The following CFLAR variants were observed in gnomAD, a reference collection of about 807,000 sequenced individuals.
CFLAR encodes the protein CASP8 and FADD like apoptosis regulator.
A neutral mutation model predicts 51.1 loss-of-function variants in CFLAR; 14 were observed. The ratio of observed to expected loss-of-function variants is 0.27; its 90% CI spans 0.18 to 0.43. The LOEUF (loss-of-function observed/expected upper bound fraction) is 0.43. CFLAR is among the 20% of genes least tolerant of loss of function. The probability of loss-of-function intolerance (pLI) is 1.00; values close to 1 mark genes in which losing one functional copy is unlikely to be tolerated. For missense variants in CFLAR, 390 were observed against 566.5 expected (o/e 0.69, Z 3.16); for synonymous variants, 210 against 211.6 (o/e 0.99, Z 0.06).
At chr2:201,153,252 C>G (rs1941581379) in intron 8 of CFLAR, 1 of 152,200 alleles carries the variant, frequency 6.6e-6, no homozygotes, top group Non-Finnish European at 1.5e-5. Context: ...CAAGGCAGCA[C>G]ACTTTTACTC....
Position 201,124,626 on chromosome 2 carries a change from C to T in CFLAR, c.-137-5103C>T, listed in dbSNP as rs998254141. Among the ~76,000 whole-genome samples, 9 of 152,108 alleles carry T rather than the reference C, an allele frequency of 5.9e-5. No individual in the cohort carries two copies. The highest frequency in any genetic ancestry group is 4.1e-4 in the South Asian group (2 of 4,828). ...CTGGGATTACAGGTGTGAGCCACCG[C>T]GCCTGGCCAGTTCAGGCATGAACTT... On this transcript the variant is annotated intron_variant, in intron 1 of 9. Transcript: ENST00000309955. The surrounding 1 kb of genome is among the most constrained non-coding windows in gnomAD (Gnocchi z 4.7).
At chr2:201,125,102 AACAG>A (rs1310018888) in intron 1 of CFLAR, among the ~76,000 whole-genome samples, 1 of 152,212 alleles carries the variant, frequency 6.6e-6, no homozygotes, top group Non-Finnish European at 1.5e-5. Flanking sequence ...TATTTTAAAA[AACAG>A]ACATAAATGC....
chr2:201,140,634 TAGAG>T (rs1938480598), intron 5 of CFLAR, 195 bp downstream of exon 5: 1 of 518,970 alleles, frequency 1.9e-6, no homozygotes, highest in Non-Finnish European at 3.4e-6. Flanking sequence ...TTGGAGACTA[TAGAG>T]AAAGATAAAA....
chr2:201,146,305 C>T (rs1385969683), intron 6 of CFLAR: 1 of 152,116 alleles, frequency 6.6e-6, no homozygotes, highest in Non-Finnish European at 1.5e-5. Context: ...TGCCACCACA[C>T]CCAGTTTATT....
At chr2:201,132,359 A>G (rs2049422270) in intron 2 of CFLAR, among the ~76,000 whole-genome samples, 2 of 151,802 alleles carry the variant, frequency 1.3e-5, no homozygotes, top group South Asian at 4.2e-4. Flanking sequence ...AATACTAACC[A>G]CAGGGTGTCC....
intron 9 of CFLAR, among the ~76,000 whole-genome samples, chr2:201,162,067 A>G (rs1001620079): frequency 6.6e-6 from 1 of 151,366 alleles, no homozygotes; most frequent in Non-Finnish European, 1.5e-5. Flanking sequence ...ATCTTTTTTT[A>G]TTTGATACCC....
chr2:201,134,050 TG>T (rs1210600869), intron 3 of CFLAR, among the ~76,000 whole-genome samples: 1 of 151,538 alleles, frequency 6.6e-6, no homozygotes, highest in Non-Finnish European at 1.5e-5. Flanking sequence ...GGCTCACGCC[TG>T]TAATCCTAGC....
Position 201,138,049 on chromosome 2 carries a change from C to G in CFLAR, c.523+1942C>G. On this transcript the variant is annotated intron_variant, in intron 4 of 9. Transcript: ENST00000309955. This position sits in a 1 kb window ranked among gnomAD's most constrained non-coding sequence, Gnocchi z 4.0. ...GCAGTGCCCTGGGGCTGACTGCAGGCTATCACTTCCTGGTTGATGTAGATG... is the reference window on the plus strand; with the variant it reads ...GCAGTGCCCTGGGGCTGACTGCAGGGTATCACTTCCTGGTTGATGTAGATG... 1 of 722,764 alleles carries G rather than the reference C, an allele frequency of 1.4e-6. No homozygotes were observed. Among genetic ancestry groups the G allele is most frequent in the Non-Finnish European group, 2.6e-6 (1 of 389,784 alleles). The allele number at this position is 722,764 out of a possible 1,614,324, so 44.8% of individuals were successfully genotyped here.
At chr2:201,126,624 T>A (rs1191434145) in intron 1 of CFLAR, among the ~76,000 whole-genome samples, 3 of 152,006 alleles carry the variant, frequency 2.0e-5, no homozygotes, top group African/African-American at 7.3e-5. Flanking sequence ...TGTCAGAGGG[T>A]CTTTGAGCTC....
chr2:201,176,391 A>G lies in CFLAR; in HGVS notation c.*12418A>G, dbSNP rs1944173041. On this transcript the variant is annotated 3_prime_UTR_variant, in exon 10 of 10. Coordinates refer to ENST00000309955, the MANE Select transcript of CFLAR (RefSeq NM_003879.7). Reference sequence around the variant, plus strand: ...GACCATCACCTGATGGTTGCCCAACACTCTTGGTGTGTGTCGGGGGAGCCC... The same window carrying G: ...GACCATCACCTGATGGTTGCCCAACGCTCTTGGTGTGTGTCGGGGGAGCCC... 1 of 147,248 alleles carries G rather than the reference A, an allele frequency of 6.8e-6. No homozygotes were observed. The highest frequency in any genetic ancestry group is 2.2e-4 in the South Asian group (1 of 4,550). The allele number at this position is 147,248 out of a possible 1,614,324, so 9.1% of individuals were successfully genotyped here.
At position 201,170,289 on chromosome 2, in the gene CFLAR, G is replaced by C. The variant is rs1163701580; in HGVS notation, c.*6316G>C. 2.0e-5 allele frequency: 3 copies of C among 152,162 alleles called. No homozygotes were observed. Among genetic ancestry groups the C allele is most frequent in the African/African-American group, 7.2e-5 (3 of 41,444 alleles). The allele number at this position is 152,162 out of a possible 1,614,324, so 9.4% of individuals were successfully genotyped here. A position where few individuals can be genotyped will look rare whatever the true frequency, so the allele number is the denominator to read the frequency against. ...CAGTGCAGCCATTACAGCTTTTGGT[G>C]ATACAGTGAATCAGATTTTTCATTA... On this transcript the variant is annotated 3_prime_UTR_variant, in exon 10 of 10. Transcript: ENST00000309955.
rs1943946025 is a variant in CFLAR, at chr2:201,170,479, C to T, written c.*6506C>T. ...ATGGATGAAGGAACTGTTTTATTCA[C>T]TTGCTGATAATTCAGCCTAATCCAG... is the stretch of plus-strand genomic sequence containing the variant. On this transcript the variant is annotated 3_prime_UTR_variant, in exon 10 of 10. Transcript: ENST00000309955. The T allele has an allele frequency of 6.6e-6, 1 of 152,188 alleles. No individual in the cohort carries two copies. Among genetic ancestry groups the T allele is most frequent in the Non-Finnish European group, 1.5e-5 (1 of 68,030 alleles). 9.4% of individuals were successfully genotyped at this position (152,188 alleles called of 1,614,324 possible).
At position 201,130,108 on chromosome 2, in the gene CFLAR, C is replaced by T; in HGVS notation, c.243C>T (p.Thr81=). Residue 81 remains threonine, a synonymous_variant, in exon 2 of 10, where the codon ACC becomes ACT. Coordinates refer to ENST00000309955, the MANE Select transcript of CFLAR (RefSeq NM_003879.7). ...ILKMDRKAVE[T]HLLRNPHLVS... ...AGATGGACAGAAAAGCTGTGGAGAC[C>T]CACCTGCTCAGGAACCCTCACCTTG... The T allele has an allele frequency of 1.2e-6, 2 of 1,609,740 alleles. No homozygotes were observed. The highest frequency in any genetic ancestry group is 1.7e-6 in the Non-Finnish European group (2 of 1,177,182).
intron 8 of CFLAR, chr2:201,157,674 C>T (rs1321794978): frequency 1.3e-5 from 2 of 152,334 alleles, no homozygotes; most frequent in Non-Finnish European, 2.9e-5. Flanking sequence ...CTGCACCTGG[C>T]CAAGCATTAG....
At chr2:201,148,216 TAC>T (rs1940619327) in intron 6 of CFLAR, 1 of 152,234 alleles carries the variant, frequency 6.6e-6, no homozygotes, top group Non-Finnish European at 1.5e-5. Flanking sequence ...TAAGTATATG[TAC>T]ACAAATATAC....
At chr2:201,143,875 T>A (rs942631831) in intron 5 of CFLAR, among the ~76,000 whole-genome samples, 2 of 151,646 alleles carry the variant, frequency 1.3e-5, no homozygotes, top group Non-Finnish European at 2.9e-5. Context: ...GGCAGGAGAA[T>A]CACTTGAACC....
chr2:201,137,665 G>C, intron 4 of CFLAR: 1 of 759,796 alleles, frequency 1.3e-6, no homozygotes, highest in South Asian at 1.3e-5. Context: ...TGGCAGCCAT[G>C]CTGGATGCCC....
In CFLAR at chr2:201,129,819, G is replaced by A; in HGVS notation, c.-47G>A. The A allele has an allele frequency of 6.3e-7, 1 of 1,587,548 alleles. No individual in the cohort carries two copies. The highest frequency in any genetic ancestry group is 8.6e-7 in the Non-Finnish European group (1 of 1,161,334). On this transcript the variant is annotated 5_prime_UTR_variant, in exon 2 of 10. Transcript: ENST00000309955. ...TGCTGGCTTTCTGTTGACTGGCCCGGAGCTGTACTGCAAGACCCTTGTGAG... is the reference window on the plus strand; with the variant it reads ...TGCTGGCTTTCTGTTGACTGGCCCGAAGCTGTACTGCAAGACCCTTGTGAG...
At position 201,149,012 on chromosome 2, in the gene CFLAR, T is replaced by G. The variant is rs1340691068; in HGVS notation, c.671T>G (p.Val224Gly). Residue 224 changes from valine (V) to glycine (G), a missense_variant, in exon 7 of 10, where the codon GTG becomes GGG. Val to Gly is a moderately radical substitution (Grantham distance 109, BLOSUM62 -3). Transcript: ENST00000309955. ...KEQLGAQQEPVKKSIQESEAF... is the reference protein window; with the variant it reads ...KEQLGAQQEPGKKSIQESEAF... ...CTCTCTCATCCCCCAGAAGAACCAG[T>G]GAAGAAATCCATTCAGGAATCAGAA... 1 of 1,612,310 alleles carries G rather than the reference T, an allele frequency of 6.2e-7. No individual in the cohort carries two copies. The highest frequency in any genetic ancestry group is 8.5e-7 in the Non-Finnish European group (1 of 1,178,426).
Sources: allele counts gnomAD v4.1 joint callset (sites outside exome capture counted in the v4.1 genomes callset), GRCh38; gene constraint gnomAD v4.1.1; non-coding constraint Gnocchi (gnomAD v3.1); transcripts MANE v1.5; gene names NCBI Gene and HGNC (gene_info 2026-07-23, HGNC 2026-07-21).